NEGR1: variants seen among roughly 807,000 people sequenced by gnomAD.
NEGR1 encodes the protein neuronal growth regulator 1.
NEGR1 carries 10 observed loss-of-function variants against 40.9 expected under a neutral mutation model. The ratio of observed to expected loss-of-function variants is 0.24; its 90% confidence interval spans 0.15 to 0.42. The LOEUF (loss-of-function observed/expected upper bound fraction) is 0.42. NEGR1 is among the 10% of genes least tolerant of loss of function. The probability of loss-of-function intolerance (pLI) is 1.00; values close to 1 mark genes in which losing one functional copy is unlikely to be tolerated. For missense variants in NEGR1, 352 were observed against 438.9 expected, an observed-to-expected ratio of 0.80 and a Z score of 1.77; for synonymous variants, 185 against 166.8, an observed-to-expected ratio of 1.11 and a Z score of -0.84.
chr1:71,413,949 A>T (rs939721916), intron 6 of NEGR1, among the ~76,000 whole-genome samples: 1 of 152,166 alleles, frequency 6.6e-6, no homozygotes, highest in Non-Finnish European at 1.5e-5. Flanking sequence ...GTTTTGGTAC[A>T]ATACCAATTA....
intron 6 of NEGR1, among the ~76,000 whole-genome samples, chr1:71,412,418 A>G (rs1646329186): frequency 6.6e-6 from 1 of 152,150 alleles, no homozygotes; most frequent in African/African-American, 2.4e-5. Flanking sequence ...GACTTCAGAA[A>G]TGTTTTCTTT....
chr1:71,415,846 C>A (rs962709968), intron 6 of NEGR1, among the ~76,000 whole-genome samples: 2 of 152,028 alleles, frequency 1.3e-5, no homozygotes, highest in Admixed American at 1.3e-4. Context: ...TATGGCAACT[C>A]CTACCAGGCT....
intron 4 of NEGR1, among the ~76,000 whole-genome samples, chr1:71,632,582 A>G (rs1452585920): frequency 1.3e-5 from 2 of 151,402 alleles, no homozygotes; most frequent in Non-Finnish European, 1.5e-5. Flanking sequence ...AAAAATATAC[A>G]CTGAATATTG....
At chr1:71,827,168 CT>C (rs1398478208) in intron 2 of NEGR1, among the ~76,000 whole-genome samples, 3 of 150,262 alleles carry the variant, frequency 2.0e-5, no homozygotes, top group East Asian at 4.0e-4. Context: ...AAAAAAGGAG[CT>C]TTTTTTTCTA....
At chr1:71,935,422 C>T in intron 1 of NEGR1, 111 bp from the exon 2 acceptor site, 1 of 697,308 alleles carries the variant, frequency 1.4e-6, no homozygotes, top group Non-Finnish European at 2.5e-6. Flanking sequence ...GCATCAAATG[C>T]AAACATCAGA....
At chr1:71,464,750 A>T (rs1646734742) in intron 6 of NEGR1, among the ~76,000 whole-genome samples, 2 of 152,098 alleles carry the variant, frequency 1.3e-5, no homozygotes, top group African/African-American at 4.8e-5. Context: ...TAAATATAAC[A>T]TGCTGCCTCA....
intron 2 of NEGR1, among the ~76,000 whole-genome samples, chr1:71,887,063 T>C (rs1050070982): frequency 6.6e-6 from 1 of 152,250 alleles, no homozygotes; most frequent in Non-Finnish European, 1.5e-5. Flanking sequence ...GATTTAAATG[T>C]ATTTTGTATG....
chr1:71,525,981 A>G (rs1424525656), intron 6 of NEGR1, among the ~76,000 whole-genome samples: 1 of 151,598 alleles, frequency 6.6e-6, no homozygotes, highest in Non-Finnish European at 1.5e-5. Flanking sequence ...AATAGCCTAA[A>G]ATAATATTTT....
chr1:71,652,518 G>C (rs1651750800), intron 4 of NEGR1, among the ~76,000 whole-genome samples: 1 of 152,070 alleles, frequency 6.6e-6, no homozygotes, highest in Non-Finnish European at 1.5e-5. Flanking sequence ...TTAGCATTGA[G>C]TAGTTACTAC....
intron 2 of NEGR1, among the ~76,000 whole-genome samples, chr1:71,932,292 T>C (rs1645863027): frequency 6.6e-6 from 1 of 151,898 alleles, no homozygotes; most frequent in Non-Finnish European, 1.5e-5. Context: ...TTTTTTTATT[T>C]GTTTTGTTTT....
intron 3 of NEGR1, among the ~76,000 whole-genome samples, chr1:71,763,557 G>A (rs12084868): frequency 0.038 from 5,779 of 152,260 alleles, 161 homozygotes; most frequent in Middle Eastern, 0.085. Flanking sequence ...TCTGTACAAT[G>A]AGTTTGGTTT....
chr1:72,216,406 T>TATATATATATATATAC (rs1557582844), intron 1 of NEGR1, among the ~76,000 whole-genome samples: 1 of 146,346 alleles, frequency 6.8e-6, no homozygotes, highest in African/African-American at 2.5e-5. Flanking sequence ...TATATACATA[T>TATATATATATATATAC]ATATATATAT....
chr1:71,637,119 C>T (rs1651179693), intron 4 of NEGR1, among the ~76,000 whole-genome samples: 1 of 151,982 alleles, frequency 6.6e-6, no homozygotes, highest in Admixed American at 6.6e-5. Context: ...GGTTCTTGTA[C>T]TATAGTGTAT....
At chr1:71,567,258 T>A (rs1177104120) in intron 6 of NEGR1, among the ~76,000 whole-genome samples, 1 of 152,168 alleles carries the variant, frequency 6.6e-6, no homozygotes, top group East Asian at 1.9e-4. Flanking sequence ...CTGCTTGAGA[T>A]AAAAATGGAT....
chr1:71,927,668 A>G (rs577845973), intron 2 of NEGR1, among the ~76,000 whole-genome samples: 1 of 151,704 alleles, frequency 6.6e-6, no homozygotes, highest in East Asian at 2.0e-4. Flanking sequence ...CCTACTGGAT[A>G]AAGTACCTGG....
chr1:72,252,375 G>A (rs376361426), intron 1 of NEGR1, among the ~76,000 whole-genome samples: 31 of 152,194 alleles, frequency 2.0e-4, no homozygotes, highest in Middle Eastern at 3.4e-3. Context: ...TTTGTCTAGG[G>A]AAGTCAGGGA....
intron 1 of NEGR1, among the ~76,000 whole-genome samples, chr1:72,055,660 G>C (rs1291290390): frequency 6.6e-6 from 1 of 150,738 alleles, no homozygotes; most frequent in African/African-American, 2.4e-5. Context: ...AAATGCTTAT[G>C]TCAAAAATAT....
chr1:71,845,401 G>C (rs1179454268), intron 2 of NEGR1, among the ~76,000 whole-genome samples: 3 of 151,990 alleles, frequency 2.0e-5, no homozygotes, highest in African/African-American at 7.2e-5. Flanking sequence ...GTAGGAGATG[G>C]TAAGAAAAAA....
intron 1 of NEGR1, among the ~76,000 whole-genome samples, chr1:72,096,302 G>C (rs1488844903): frequency 6.6e-6 from 1 of 152,082 alleles, no homozygotes; most frequent in Non-Finnish European, 1.5e-5. Context: ...AATTTGCGCA[G>C]AGAAGATAGT....
Sources: allele counts gnomAD v4.1 joint callset (sites outside exome capture counted in the v4.1 genomes callset), GRCh38; gene constraint gnomAD v4.1.1; transcripts MANE v1.5; gene names NCBI Gene and HGNC (gene_info 2026-07-23, HGNC 2026-07-21).